Variants in BIRC6 observed in about 807,000 individuals in gnomAD.
BIRC6 encodes baculoviral IAP repeat containing 6.
BIRC6 carries 98 observed loss-of-function variants against 503.3 expected under a neutral mutation model. The observed-to-expected ratio is 0.19, with a 90% CI of 0.17 to 0.23. The LOEUF is 0.23. BIRC6 is among the 10% of genes least tolerant of loss of function. The pLI is 1.00. For synonymous variants in BIRC6, 2,240 were observed against 2,078.7 expected, an observed-to-expected ratio of 1.08 and a Z score of -2.11; for missense variants, 5,360 against 5,806.0, an observed-to-expected ratio of 0.92 and a Z score of 2.50.
intron 62 of BIRC6, among the ~76,000 whole-genome samples, chr2:32,544,491 C>G (rs1235118901): frequency 1.5e-5 from 2 of 134,916 alleles, no homozygotes; most frequent in Admixed American, 1.5e-4. Context: ...CTTTCTTCTT[C>G]TTTTTTTTTT....
intron 66 of BIRC6, among the ~76,000 whole-genome samples, chr2:32,588,545 T>G (rs1199161177): frequency 6.6e-6 from 1 of 152,184 alleles, no homozygotes; most frequent in African/African-American, 2.4e-5. Flanking sequence ...TCCTGCATTT[T>G]ATTGTGGTTT....
At chr2:32,493,459 T>G in intron 44 of BIRC6, 81 bp from the exon 45 acceptor site, 1 of 1,366,930 alleles carries the variant, frequency 7.3e-7, no homozygotes, top group Non-Finnish European at 9.9e-7. Flanking sequence ...GCTTTTGACT[T>G]TCTACTTGAT....
rs70938348 is a variant in BIRC6, at chr2:32,473,706, CGTGTGTGT to C, written c.6720+504_6720+511del. ...TTTCCATGTCTTTTTTCTCCTTTTT[CGTGTGTGT>C]GTGTGTGTGTGTGTGTGTGTGTGTG... On this transcript the variant is annotated intron_variant, in intron 33 of 73. Transcript: ENST00000421745. Among the ~76,000 whole-genome samples the C allele has an allele frequency of 7.5e-3, 544 of 72,682 alleles. 4 individuals are homozygous for C. Among genetic ancestry groups the C allele is most frequent in the Middle Eastern group, 0.016 (1 of 62 alleles). 47.7% of individuals were successfully genotyped at this position (72,682 alleles called of 152,430 possible). A position where few individuals can be genotyped will look rare whatever the true frequency, so the allele number is the denominator to read the frequency against.
intron 9 of BIRC6, among the ~76,000 whole-genome samples, chr2:32,411,564 G>T (rs1172115960): frequency 6.6e-6 from 1 of 151,298 alleles, no homozygotes; most frequent in Non-Finnish European, 1.5e-5. Context: ...TGCAACCTCT[G>T]CCTCCTGGGT....
chr2:32,497,038 G>T (rs1180353974), intron 45 of BIRC6, among the ~76,000 whole-genome samples: 2 of 152,170 alleles, frequency 1.3e-5, no homozygotes, highest in East Asian at 3.9e-4. Flanking sequence ...ATAGTAAGTT[G>T]AGGAAGTTCC....
chr2:32,366,846 G>C (rs1197892578), intron 1 of BIRC6, among the ~76,000 whole-genome samples: 6 of 151,894 alleles, frequency 4.0e-5, no homozygotes, highest in African/African-American at 9.7e-5. Context: ...GCTGGGTGTG[G>C]TGGTGCATGC....
At position 32,602,980 on chromosome 2, in the gene BIRC6, C is replaced by G. The variant is rs771175892; in HGVS notation, c.13993-26C>G. 3.3e-5 allele frequency: 52 copies of G among 1,574,098 alleles called. No homozygotes were observed. In the East Asian group the frequency reaches 1.1e-3, roughly 34 times the overall value. ...GTTTTTAAGCACTCTTTTTTCAATT[C>G]TGTTTATGCTTTTTTCGTTCGTCAG... On this transcript the variant is annotated intron_variant, in intron 70 of 73. Coordinates refer to ENST00000421745, the MANE Select transcript of BIRC6 (RefSeq NM_016252.4).
chr2:32,501,477 A>G (rs1415237992), intron 46 of BIRC6, among the ~76,000 whole-genome samples: 1 of 152,186 alleles, frequency 6.6e-6, no homozygotes, highest in Non-Finnish European at 1.5e-5. Flanking sequence ...GGTTATGTGT[A>G]GAGGGTTTAG....
At chr2:32,422,149 A>G (rs528577311) in intron 10 of BIRC6, among the ~76,000 whole-genome samples, 18 of 152,096 alleles carry the variant, frequency 1.2e-4, no homozygotes, top group Non-Finnish European at 1.9e-4. Context: ...CTTTTCCACA[A>G]TTTTACTTTC....
At chr2:32,455,267 C>T (rs1306592767) in intron 23 of BIRC6, among the ~76,000 whole-genome samples, 1 of 151,224 alleles carries the variant, frequency 6.6e-6, no homozygotes, top group Non-Finnish European at 1.5e-5. Flanking sequence ...GTAGTCCCAG[C>T]TACTCAGGAG....
At chr2:32,473,318 G>T in intron 33 of BIRC6, 79 bp downstream of exon 33, 1 of 1,208,924 alleles carries the variant, frequency 8.3e-7, no homozygotes, top group Non-Finnish European at 1.1e-6. Flanking sequence ...TGTGCCATCA[G>T]ATGTGAGGTA....
Position 32,453,839 on chromosome 2 carries a change from T to G in BIRC6, c.4650T>G (p.Ala1550=). Residue 1550 remains alanine, a synonymous_variant, in exon 23 of 74, where the codon GCT becomes GCG. Transcript: ENST00000421745. ...GAAAGGTCAGTAGTTGCACAGCTGC[T>G]GAGGGTAGTTTCACATCTCTCACTG... ...GNGKVSSCTA[A]EGSFTSLTGL... is the part of the protein sequence containing the mutation. 1 of 1,613,834 alleles carries G rather than the reference T, an allele frequency of 6.2e-7. No individual in the cohort carries two copies.
chr2:32,388,494 A>G (rs545982534), intron 3 of BIRC6, among the ~76,000 whole-genome samples: 27 of 152,224 alleles, frequency 1.8e-4, no homozygotes, highest in African/African-American at 6.3e-4. Flanking sequence ...GGCGTAAGCC[A>G]CTGCACCTGG....
intron 6 of BIRC6, among the ~76,000 whole-genome samples, chr2:32,396,775 G>A (rs1573917922): frequency 1.3e-5 from 2 of 152,208 alleles, no homozygotes. Flanking sequence ...CCAGACTGGA[G>A]TGCAGTGGCG....
chr2:32,538,608 C>G (rs2057419702), intron 61 of BIRC6, among the ~76,000 whole-genome samples: 1 of 152,212 alleles, frequency 6.6e-6, no homozygotes, highest in Admixed American at 6.5e-5. Context: ...ATTTTCAAAT[C>G]AAGAGTTGAT....
In BIRC6 at chr2:32,443,561, T is replaced by C; in HGVS notation, c.4309T>C (p.Ser1437Pro). 4 of 1,607,006 alleles carry C rather than the reference T, an allele frequency of 2.5e-6. No homozygotes were observed. The highest frequency in any genetic ancestry group is 3.4e-6 in the Non-Finnish European group (4 of 1,176,438). Residue 1437 changes from serine (S) to proline (P), a missense_variant, in exon 20 of 74, where the codon TCA becomes CCA. Around this residue, in one of 16 missense-constraint regions of BIRC6, gnomAD observed 2,299 missense variants for 2,267.2 expected, o/e 1.01. Transcript: ENST00000421745. ...VLLKALLDNM[S>P]FLPAATTGGS... ...GTTGAAGGCTTTACTTGATAATATGTCATTTTTACCTGCAGCAACAACTGG... is the reference window on the plus strand; with the variant it reads ...GTTGAAGGCTTTACTTGATAATATGCCATTTTTACCTGCAGCAACAACTGG...
chr2:32,569,863 T>C (rs1012264979), intron 65 of BIRC6, among the ~76,000 whole-genome samples: 1 of 152,130 alleles, frequency 6.6e-6, no homozygotes, highest in Admixed American at 6.5e-5. Context: ...GATCATATCC[T>C]CAGCAAACAG....
chr2:32,362,786 T>TA (rs2034323593), intron 1 of BIRC6, among the ~76,000 whole-genome samples: 2 of 151,654 alleles, frequency 1.3e-5, no homozygotes, highest in Admixed American at 6.6e-5. Context: ...CCCAGTGTCT[T>TA]AAAAATTTTT....
At chr2:32,390,869 A>G (rs2039139635) in intron 4 of BIRC6, among the ~76,000 whole-genome samples, 2 of 152,312 alleles carry the variant, frequency 1.3e-5, no homozygotes, top group Admixed American at 1.3e-4. Context: ...GTTGTTACAT[A>G]TATAACTTTT....
Sources: allele counts gnomAD v4.1 joint callset (sites outside exome capture counted in the v4.1 genomes callset), GRCh38; gene constraint gnomAD v4.1.1; regional missense constraint gnomAD v4.1.1; transcripts MANE v1.5; gene names NCBI Gene and HGNC (gene_info 2026-07-23, HGNC 2026-07-21).